PAWR: variants seen among roughly 807,000 people sequenced by gnomAD.
PAWR encodes pro-apoptotic WT1 regulator.
PAWR carries 23 observed loss-of-function variants against 32.0 expected under a neutral mutation model. The ratio of observed to expected loss-of-function variants is 0.72; its 90% CI spans 0.52 to 1.02. The LOEUF (loss-of-function observed/expected upper bound fraction) is 1.02, where lower values mean the gene tolerates loss of function less well. Ranked by LOEUF, PAWR falls within the 50% of genes least tolerant of loss-of-function variation. PAWR has a pLI of 0.00. For synonymous variants in PAWR, 226 were observed against 187.1 expected (o/e 1.21, Z -1.70); for missense variants, 457 against 437.7 (o/e 1.04, Z -0.39).
chr12:79,603,339 C>A (rs962623379), intron 4 of PAWR, among the ~76,000 whole-genome samples: 2 of 151,896 alleles, frequency 1.3e-5, no homozygotes, highest in African/African-American at 4.8e-5. Flanking sequence ...CTGGGAAATA[C>A]CAGCAAAGTG....
chr12:79,648,978 T>C (rs902995849), intron 2 of PAWR, among the ~76,000 whole-genome samples: 9 of 152,108 alleles, frequency 5.9e-5, no homozygotes, highest in African/African-American at 2.2e-4. Context: ...TATAATAATG[T>C]CACTTGGAAA....
At chr12:79,672,476 G>A (rs1429242020) in intron 2 of PAWR, among the ~76,000 whole-genome samples, 1 of 151,876 alleles carries the variant, frequency 6.6e-6, no homozygotes, top group East Asian at 1.9e-4. Flanking sequence ...TTTTACCCCA[G>A]CTCCTTCCCC....
At chr12:79,656,489 T>C (rs973456551) in intron 2 of PAWR, among the ~76,000 whole-genome samples, 1 of 152,124 alleles carries the variant, frequency 6.6e-6, no homozygotes, top group East Asian at 1.9e-4. Context: ...TCAGAACATT[T>C]GTGGCAATGA....
chr12:79,588,037 G>C lies in PAWR; in HGVS notation c.*4570C>G, dbSNP rs1444375664. On this transcript the variant is annotated 3_prime_UTR_variant, in exon 7 of 7. Coordinates refer to ENST00000328827, the MANE Select transcript of PAWR (RefSeq NM_002583.4). ...AGCTTTAATATGGTAGCAGCAGGATGCTACTTAAATTTAGAAGAAAAACAT... is the reference window on the plus strand; with the variant it reads ...AGCTTTAATATGGTAGCAGCAGGATCCTACTTAAATTTAGAAGAAAAACAT... The C allele has an allele frequency of 1.3e-5, 2 of 151,980 alleles. No homozygotes were observed. The highest frequency in any genetic ancestry group is 4.8e-5 in the African/African-American group (2 of 41,432). The allele number at this position is 151,980 out of a possible 1,614,324, so 9.4% of individuals were successfully genotyped here.
At chr12:79,661,139 C>T (rs559508647) in intron 2 of PAWR, among the ~76,000 whole-genome samples, 1 of 150,542 alleles carries the variant, frequency 6.6e-6, no homozygotes, top group Admixed American at 6.6e-5. Flanking sequence ...ATCCCAGCTA[C>T]TGGGGAGGCT....
chr12:79,672,238 C>G (rs1279863681), intron 2 of PAWR, among the ~76,000 whole-genome samples: 1 of 152,098 alleles, frequency 6.6e-6, no homozygotes, highest in Non-Finnish European at 1.5e-5. Context: ...AAAATTAGAT[C>G]AAGTACTTCC....
intron 4 of PAWR, among the ~76,000 whole-genome samples, chr12:79,606,976 T>C (rs1464700419): frequency 6.6e-6 from 1 of 152,156 alleles, no homozygotes; most frequent in African/African-American, 2.4e-5. Context: ...GTTCAGAAAT[T>C]CACCAGTCCA....
At chr12:79,599,727 C>CA (rs1320773627) in intron 4 of PAWR, among the ~76,000 whole-genome samples, 2 of 152,244 alleles carry the variant, frequency 1.3e-5, no homozygotes, top group Admixed American at 1.3e-4. Context: ...TCCCTAAACA[C>CA]ATCAAGCTAT....
chr12:79,673,093 G>A (rs999242983), intron 2 of PAWR, among the ~76,000 whole-genome samples: 10 of 151,884 alleles, frequency 6.6e-5, no homozygotes, highest in Admixed American at 2.6e-4. Context: ...TTTTTGAGAC[G>A]GAGTCTTGCT....
intron 2 of PAWR, among the ~76,000 whole-genome samples, chr12:79,671,019 T>C (rs978575241): frequency 1.3e-5 from 2 of 149,798 alleles, no homozygotes; most frequent in Non-Finnish European, 3.0e-5. Flanking sequence ...CCAGGCACAG[T>C]AGCACGAACC....
chr12:79,677,978 T>C (rs908066551), intron 2 of PAWR, among the ~76,000 whole-genome samples: 4 of 152,230 alleles, frequency 2.6e-5, no homozygotes, highest in African/African-American at 7.2e-5. Context: ...CTCCACTCCA[T>C]CTGCCCTCTA....
intron 2 of PAWR, among the ~76,000 whole-genome samples, chr12:79,623,870 A>G (rs555699559): frequency 5.9e-5 from 9 of 152,346 alleles, no homozygotes; most frequent in Non-Finnish European, 1.3e-4. Context: ...TAAAACTACA[A>G]TAACAAAAAT....
At chr12:79,661,544 T>C (rs1877352053) in intron 2 of PAWR, among the ~76,000 whole-genome samples, 1 of 152,186 alleles carries the variant, frequency 6.6e-6, no homozygotes, top group African/African-American at 2.4e-5. Context: ...AATTAATTTA[T>C]TACATTTAAG....
At chr12:79,638,790 GGTGTGT>G (rs34039182) in intron 2 of PAWR, among the ~76,000 whole-genome samples, 50 of 105,276 alleles carry the variant, frequency 4.7e-4, no homozygotes, top group African/African-American at 8.6e-4. Context: ...TTATATTTGG[GGTGTGT>G]GTGTGTGTGT....
intron 2 of PAWR, among the ~76,000 whole-genome samples, chr12:79,630,721 G>A (rs1875578534): frequency 1.3e-5 from 2 of 152,004 alleles, no homozygotes; most frequent in South Asian, 4.2e-4. Flanking sequence ...AGTAAAGAAA[G>A]TAAAGAAAAT....
intron 4 of PAWR, among the ~76,000 whole-genome samples, chr12:79,598,795 A>G (rs1873855486): frequency 1.3e-5 from 2 of 152,320 alleles, no homozygotes; most frequent in South Asian, 4.1e-4. Flanking sequence ...TCTGCCATTG[A>G]AAAGCCTTCT....
At chr12:79,661,236 G>A (rs1300155912) in intron 2 of PAWR, among the ~76,000 whole-genome samples, 5 of 134,822 alleles carry the variant, frequency 3.7e-5, no homozygotes, top group African/African-American at 6.1e-5. Flanking sequence ...GCGAAGAAGC[G>A]AGACTCTGTC....
At chr12:79,666,184 AGG>A (rs1024855149) in intron 2 of PAWR, among the ~76,000 whole-genome samples, 3 of 152,126 alleles carry the variant, frequency 2.0e-5, no homozygotes, top group Non-Finnish European at 4.4e-5. Context: ...ATTAGTACAA[AGG>A]GGGCTTAAAA....
chr12:79,676,005 G>A (rs865780721), intron 2 of PAWR, among the ~76,000 whole-genome samples: 18 of 151,814 alleles, frequency 1.2e-4, no homozygotes, highest in East Asian at 3.9e-4. Flanking sequence ...GACCCTGATC[G>A]CATTATGAAG....
Sources: gnomAD v4.1 joint callset for allele counts (sites outside exome capture counted in the v4.1 genomes callset) on GRCh38, gnomAD v4.1.1 for gene constraint, MANE v1.5 for transcripts, NCBI Gene and HGNC (gene_info 2026-07-23, HGNC 2026-07-21) for gene names.